INKA2: variants seen among roughly 807,000 people sequenced by gnomAD.
INKA2 encodes inka box actin regulator 2.
Under a neutral mutation model 9.8 loss-of-function variants are expected in INKA2, and 3 were observed. The ratio of observed to expected loss-of-function variants is 0.31; its 90% CI spans 0.14 to 0.79. The LOEUF (loss-of-function observed/expected upper bound fraction) is 0.79. Among genes scored for constraint, INKA2 ranks in the 30% least tolerant of loss-of-function variants. The pLI is 0.62. For synonymous variants in INKA2, 147 were observed against 143.3 expected (o/e 1.03, Z -0.18); for missense variants, 392 against 384.4 (o/e 1.02, Z -0.17).
rs933893286 is a variant in INKA2 at position 111,723,332 on chromosome 1, C to T, written c.*3636G>A. The T allele has an allele frequency of 4.7e-5, 23 of 490,896 alleles. No homozygotes were observed. Among genetic ancestry groups the T allele is most frequent in the African/African-American group, 3.2e-4 (16 of 49,536 alleles). The allele number at this position is 490,896 out of a possible 1,614,324, so 30.4% of individuals were successfully genotyped here. On this transcript the variant is annotated 3_prime_UTR_variant, in exon 2 of 2. Transcript: ENST00000357260. ...TGGGTTCAGAGATCACCCTGAGGGG[C>T]GGGGCACAAGGGAAGTGTCTGAGGG...
chr1:111,754,514 T>C (rs1049073097), intron 1 of INKA2: 6 of 152,186 alleles, frequency 3.9e-5, no homozygotes, highest in Admixed American at 3.3e-4. Flanking sequence ...TTGGTATTCT[T>C]TGTATTTTTA....
intron 1 of INKA2, among the ~76,000 whole-genome samples, chr1:111,738,685 C>G (rs1663061303): frequency 3.3e-5 from 5 of 152,158 alleles, no homozygotes. Flanking sequence ...GGGTGGTACC[C>G]GCTTCCCTCG....
At chr1:111,739,606 C>T (rs779034363), upstream of INKA2, among the ~76,000 whole-genome samples, 24 of 152,238 alleles carry the variant, frequency 1.6e-4, no homozygotes, top group Non-Finnish European at 2.9e-4. Flanking sequence ...TCCCGGCCAG[C>T]GCGGCGGAGG....
chr1:111,734,231 GC>G (rs1662966202), intron 1 of INKA2, among the ~76,000 whole-genome samples: 1 of 151,296 alleles, frequency 6.6e-6, no homozygotes. Flanking sequence ...ATGGGGGTCT[GC>G]TTAGGCAAGG....
At chr1:111,744,116 G>A (rs1015648199), upstream of INKA2, among the ~76,000 whole-genome samples, 2 of 152,206 alleles carry the variant, frequency 1.3e-5, no homozygotes, top group South Asian at 4.1e-4. Flanking sequence ...TAGCTTTCAT[G>A]ACATCTTCCT....
At chr1:111,738,933 C>T (rs1663071719) in intron 1 of INKA2, among the ~76,000 whole-genome samples, 1 of 152,226 alleles carries the variant, frequency 6.6e-6, no homozygotes, top group Non-Finnish European at 1.5e-5. Flanking sequence ...CACATTTCAG[C>T]CTGGCTGGCT....
intron 1 of INKA2, among the ~76,000 whole-genome samples, chr1:111,728,038 T>TAA (rs1662828914): frequency 9.1e-6 from 1 of 109,434 alleles, no homozygotes; most frequent in African/African-American, 3.2e-5. Context: ...CCCCACCCCA[T>TAA]ACACACACAC....
At chr1:111,736,502 C>A (rs974929646) in intron 1 of INKA2, among the ~76,000 whole-genome samples, 2 of 152,194 alleles carry the variant, frequency 1.3e-5, no homozygotes, top group Admixed American at 1.3e-4. Flanking sequence ...ATTTCACAAC[C>A]TGTTAATGTT....
chr1:111,723,076 C>G lies in INKA2; in HGVS notation c.*3892G>C, dbSNP rs1662682918. On this transcript the variant is annotated 3_prime_UTR_variant, in exon 2 of 2. Coordinates refer to ENST00000357260, the MANE Select transcript of INKA2 (RefSeq NM_019099.5). ...AAATCTTAACTCCAAGTCTAGTGCTCATACCATGGTGCTGGCAGAAGTGCC... is the reference window on the plus strand; with the variant it reads ...AAATCTTAACTCCAAGTCTAGTGCTGATACCATGGTGCTGGCAGAAGTGCC... 1 of 701,880 alleles carries G rather than the reference C, an allele frequency of 1.4e-6. No homozygotes were observed. The highest frequency in any genetic ancestry group is 1.7e-5 in the African/African-American group (1 of 57,186). 43.5% of individuals were successfully genotyped at this position (701,880 alleles called of 1,614,324 possible).
At chr1:111,743,398 G>A (rs1156723790), upstream of INKA2, among the ~76,000 whole-genome samples, 1 of 152,174 alleles carries the variant, frequency 6.6e-6, no homozygotes, top group Non-Finnish European at 1.5e-5. Flanking sequence ...CCTGGAAACT[G>A]TATCCAGTGC....
At position 111,727,161 on chromosome 1, in the gene INKA2, G is replaced by A; in HGVS notation, c.701C>T (p.Thr234Ile). Residue 234 changes from threonine to isoleucine, a missense_variant, in exon 2 of 2, where the codon ACA becomes ATA. Physicochemically the swap from Thr to Ile is moderately conservative, Grantham distance 89. Transcript: ENST00000357260. ...GGTTCGGGACTCAGGGACCATGGGT[G>A]TCACCCAGCCTGGCTTCTCCTTCAG... ...RLLKEKPGWV[T>I]PMVPESRTGR... is the part of the protein sequence containing the mutation. 3 of 1,614,240 alleles carry A rather than the reference G, an allele frequency of 1.9e-6. No homozygotes were observed. The highest frequency in any genetic ancestry group is 1.6e-4 in the Middle Eastern group (1 of 6,062).
chr1:111,745,191 T>A (rs1663232861), intron 1 of INKA2: 1 of 147,484 alleles, frequency 6.8e-6, no homozygotes, highest in Admixed American at 6.8e-5. Context: ...GAAGCAAGTA[T>A]TTCCATTTTG....
intron 1 of INKA2, among the ~76,000 whole-genome samples, chr1:111,730,831 C>T (rs1662889749): frequency 6.6e-6 from 1 of 152,194 alleles, no homozygotes. Context: ...TCGCTAGCAC[C>T]TGGCACTTGC....
At chr1:111,749,347 A>T (rs960686101) in intron 1 of INKA2, among the ~76,000 whole-genome samples, 2 of 152,094 alleles carry the variant, frequency 1.3e-5, no homozygotes, top group African/African-American at 4.8e-5. Context: ...TGCAGTGACA[A>T]GAGGAGATGC....
chr1:111,730,878 C>A (rs772285619), intron 1 of INKA2, among the ~76,000 whole-genome samples: 2 of 152,146 alleles, frequency 1.3e-5, no homozygotes, highest in Non-Finnish European at 2.9e-5. Flanking sequence ...TATCACTGAC[C>A]ACCCCAGATC....
upstream of INKA2, among the ~76,000 whole-genome samples, chr1:111,741,081 G>A (rs192113159): frequency 1.2e-3 from 178 of 151,144 alleles, 3 homozygotes; most frequent in South Asian, 3.2e-3. Context: ...GCGCGGGGAG[G>A]GAGGAGGGAC....
intron 1 of INKA2, chr1:111,753,136 C>T (rs1168697817): frequency 6.6e-6 from 1 of 152,210 alleles, no homozygotes; most frequent in Non-Finnish European, 1.5e-5. Context: ...CTCTAGCTCC[C>T]TGGAAAGGCT....
At chr1:111,740,661 G>A (rs1047105658), upstream of INKA2, among the ~76,000 whole-genome samples, 1 of 152,206 alleles carries the variant, frequency 6.6e-6, no homozygotes, top group Non-Finnish European at 1.5e-5. Context: ...GTCCGTGGCA[G>A]CCAAAAGTGC....
upstream of INKA2, among the ~76,000 whole-genome samples, chr1:111,740,244 AC>A (rs1334882893): frequency 1.3e-5 from 2 of 152,238 alleles, no homozygotes; most frequent in Non-Finnish European, 2.9e-5. Flanking sequence ...AACCTAGCTG[AC>A]GCTCTCGCCT....
Sources: allele counts gnomAD v4.1 joint callset (sites outside exome capture counted in the v4.1 genomes callset), GRCh38; gene constraint gnomAD v4.1.1; transcripts MANE v1.5; gene names NCBI Gene and HGNC (gene_info 2026-07-23, HGNC 2026-07-21).